The following PDZD7 variants were observed in gnomAD, a reference collection of about 807,000 sequenced individuals.
PDZD7 encodes the protein PDZ domain containing 7, also known as PDZ domain-containing protein 7.
PDZD7 carries 72 observed loss-of-function variants against 84.7 expected under a neutral mutation model. The observed-to-expected ratio is 0.85, with a 90% CI of 0.70 to 1.03. The LOEUF is 1.03. PDZD7 is among the 50% of genes least tolerant of loss of function. PDZD7 has a pLI of 0.00. For missense variants in PDZD7, 1,490 were observed against 1,412.9 expected (o/e 1.05, Z -0.87); for synonymous variants, 594 against 580.7 (o/e 1.02, Z -0.33).
rs1286104512 is a variant in PDZD7 at position 101,008,169 on chromosome 10, C to G, written c.*298G>C. The G allele has an allele frequency of 8.8e-6, 4 of 453,404 alleles. No homozygotes were observed. Among genetic ancestry groups the G allele is most frequent in the Non-Finnish European group, 1.6e-5 (4 of 256,410 alleles). 28.1% of individuals were successfully genotyped at this position (453,404 alleles called of 1,614,324 possible). ...ATAAGGGACAGCATGTGAGAAAGTG[C>G]CCACCAATCCCAAGCTCCAGACCTT... On this transcript the variant is annotated 3_prime_UTR_variant, in exon 17 of 17. Coordinates refer to ENST00000619208, the MANE Select transcript of PDZD7 (RefSeq NM_001195263.2).
At chr10:101,016,308 C>T (rs1852623079) in intron 10 of PDZD7, 69 bp downstream of exon 10, 2 of 1,493,818 alleles carry the variant, frequency 1.3e-6, no homozygotes, top group African/African-American at 2.8e-5. Context: ...ACTCAGCTGG[C>T]CCCCAGTATG....
intron 9 of PDZD7, 85 bp downstream of exon 9, chr10:101,018,014 G>C: frequency 5.8e-6 from 9 of 1,547,076 alleles, no homozygotes; most frequent in Non-Finnish European, 8.0e-6. Flanking sequence ...GGTAAGACGC[G>C]GTGTGGGATC....
chr10:101,021,940 T>C lies in PDZD7; in HGVS notation c.725A>G (p.Asp242Gly). ...FGLGIYVSKV[D>G]HGGLAEENGI... is the part of the protein sequence containing the mutation. The stretch of plus-strand genomic sequence containing the variant: ...ATTCTCCTCGGCCAGCCCACCATGG[T>C]CCACTCTGAGGCCAGACAGGCGTCA... The change falls in exon 6 of 17, where the codon GAC becomes GGC. Residue 242 changes from aspartate (D) to glycine (G), a missense_variant. Transcript: ENST00000619208. 2 of 1,614,058 alleles carry C rather than the reference T, an allele frequency of 1.2e-6. No individual in the cohort carries two copies. Among genetic ancestry groups the C allele is most frequent in the Non-Finnish European group, 1.7e-6 (2 of 1,179,990 alleles).
intron 2 of PDZD7, 61 bp from the exon 3 acceptor site, chr10:101,024,129 G>T (rs879243193): frequency 1.2e-6 from 2 of 1,612,762 alleles, no homozygotes; most frequent in South Asian, 1.1e-5. Flanking sequence ...GGGCCCCTGG[G>T]TTCCCCAACT....
At chr10:101,016,244 A>T in intron 10 of PDZD7, 133 bp downstream of exon 10, 1 of 915,802 alleles carries the variant, frequency 1.1e-6, no homozygotes, top group Non-Finnish European at 1.7e-6. Context: ...AATACATACC[A>T]TTCTAGCTGC....
chr10:101,014,485 C>T (rs1459509897), intron 11 of PDZD7, among the ~76,000 whole-genome samples: 3 of 152,122 alleles, frequency 2.0e-5, no homozygotes, highest in East Asian at 1.9e-4. Flanking sequence ...GCATTGCCGG[C>T]CCACTGGAGG....
Position 101,015,718 on chromosome 10 carries a change from C to G in PDZD7, c.1667G>C (p.Ser556Thr). 1 of 1,550,304 alleles carries G rather than the reference C, an allele frequency of 6.5e-7. No homozygotes were observed. Among genetic ancestry groups the G allele is most frequent in the Non-Finnish European group, 8.7e-7 (1 of 1,146,962 alleles). ...NVDEQVQAWESRRPLIQDLAQ... is the reference protein window; with the variant it reads ...NVDEQVQAWETRRPLIQDLAQ... ...CAGGTCCTGAATGAGGGGCCGCCGG[C>G]TCTCCCAGGCCTGAACCTGCTCATC... is the stretch of plus-strand genomic sequence containing the variant. Residue 556 changes from serine to threonine, a missense_variant, in exon 11 of 17, where the codon AGC becomes ACC. Transcript: ENST00000619208.
chr10:101,018,232 G>A lies in PDZD7; in HGVS notation c.1389C>T (p.Arg463=). 6.2e-7 allele frequency: 1 copy of A among 1,614,184 alleles called. No homozygotes were observed. The highest frequency in any genetic ancestry group is 8.5e-7 in the Non-Finnish European group (1 of 1,180,036). Residue 463 remains arginine, a synonymous_variant, in exon 9 of 17, where the codon CGC becomes CGT. Coordinates refer to ENST00000619208, the MANE Select transcript of PDZD7 (RefSeq NM_001195263.2). ...GSPGEKGALQ[R]SKTLMNLFFK... ...AGAAGAGGTTCATCAGCGTCTTGGA[G>A]CGCTGCAGGGCACCCTTCTCCCCAG...
At chr10:101,029,560 C>T (rs1043592013) in intron 2 of PDZD7, among the ~76,000 whole-genome samples, 4 of 152,210 alleles carry the variant, frequency 2.6e-5, no homozygotes, top group Middle Eastern at 6.3e-3. Context: ...ACTGACTCCT[C>T]GCAGCCCAGC....
At chr10:101,018,332 G>T (rs1190698909) in intron 8 of PDZD7, 36 bp from the exon 9 acceptor site, 4 of 1,611,220 alleles carry the variant, frequency 2.5e-6, no homozygotes, top group African/African-American at 1.3e-5. Flanking sequence ...GAGCTGGAGG[G>T]GTGGGCAGAA....
At chr10:101,022,858 C>T (rs1041603917) in intron 4 of PDZD7, among the ~76,000 whole-genome samples, 2 of 151,904 alleles carry the variant, frequency 1.3e-5, no homozygotes, top group African/African-American at 4.8e-5. Context: ...CTGCAACTTC[C>T]GCCTCCCAGG....
At chr10:101,017,676 T>C in intron 9 of PDZD7, 1 of 690,948 alleles carries the variant, frequency 1.4e-6, no homozygotes, top group South Asian at 1.5e-5. Flanking sequence ...ATGCCAGCAC[T>C]TTGGGAGGCT....
Position 101,007,934 on chromosome 10 carries a change from G to A in PDZD7, c.*533C>T, listed in dbSNP as rs1852276676. On this transcript the variant is annotated 3_prime_UTR_variant, in exon 17 of 17. Coordinates refer to ENST00000619208, the MANE Select transcript of PDZD7 (RefSeq NM_001195263.2). ...CTCCCCCTCATAGAGCTCTCTTGGG[G>A]AGAAAAGGTGATGGAGGAAGGACAA... 1 of 131,586 alleles carries A rather than the reference G, an allele frequency of 7.6e-6. No individual in the cohort carries two copies. The highest frequency in any genetic ancestry group is 1.5e-5 in the Non-Finnish European group (1 of 66,944). 8.2% of individuals were successfully genotyped at this position (131,586 alleles called of 1,614,324 possible). A position where few individuals can be genotyped will look rare whatever the true frequency, so the allele number is the denominator to read the frequency against.
In PDZD7 at chr10:101,018,863, C is replaced by T. The variant is rs377364590; in HGVS notation, c.1283G>A (p.Arg428Gln). The change falls in exon 8 of 17, where the codon CGG becomes CAG. Residue 428 changes from arginine (R) to glutamine (Q), a missense_variant. Transcript: ENST00000619208. The part of the protein sequence containing the change: ...TALLLALSRP[R>Q]PPITRSQSYL... ...GCTCTGGGAGCGCGTGATGGGGGGC[C>T]GGGGTCGGCTGAGGGCCAGCAGCAA... 3.7e-6 allele frequency: 6 copies of T among 1,603,094 alleles called. No individual in the cohort carries two copies. Among genetic ancestry groups the T allele is most frequent in the Non-Finnish European group, 5.1e-6 (6 of 1,174,866 alleles).
intron 11 of PDZD7, among the ~76,000 whole-genome samples, chr10:101,014,912 A>G (rs1479577555): frequency 6.6e-6 from 1 of 152,152 alleles, no homozygotes; most frequent in Non-Finnish European, 1.5e-5. Context: ...ACTCCTCACA[A>G]AGAGCCCAGT....
Position 101,010,637 on chromosome 10 carries a change from A to G in PDZD7, c.2252T>C (p.Leu751Pro). Residue 751 changes from leucine (L) to proline (P), a missense_variant, in exon 15 of 17, where the codon CTG (leucine) becomes CCG (proline). Physicochemically the swap from Leu to Pro is moderately conservative, Grantham distance 98 (BLOSUM62 -3). Coordinates refer to ENST00000619208, the MANE Select transcript of PDZD7 (RefSeq NM_001195263.2). ...VAPRPLRPNW[L>P]LTEPLSREHP... ...CTCTCGGCTCAGGGGTTCTGTCAGC[A>G]GCCAGTTAGGCCGCAGGGGCCGGGG... 1 of 1,500,872 alleles carries G rather than the reference A, an allele frequency of 6.7e-7. No individual in the cohort carries two copies. Among genetic ancestry groups the G allele is most frequent in the South Asian group, 1.3e-5 (1 of 79,834 alleles). 93.0% of individuals were successfully genotyped at this position (1,500,872 alleles called of 1,614,324 possible).
At chr10:101,022,443 C>G (rs1003656900) in intron 4 of PDZD7, 58 bp from the exon 5 acceptor site, 1 of 1,602,966 alleles carries the variant, frequency 6.2e-7, no homozygotes, top group African/African-American at 1.3e-5. Flanking sequence ...ACCCACCACC[C>G]TCCCAGCAGT....
In PDZD7 at chr10:101,030,098, C is replaced by A; in HGVS notation, c.122G>T (p.Arg41Leu). 1 of 1,614,176 alleles carries A rather than the reference C, an allele frequency of 6.2e-7. No homozygotes were observed. The highest frequency in any genetic ancestry group is 8.5e-7 in the Non-Finnish European group (1 of 1,180,024). The change falls in exon 2 of 17, where the codon CGA becomes CTA. Residue 41 changes from arginine to leucine, a missense_variant. Physicochemically the swap from Arg to Leu is moderately radical, Grantham distance 102. Coordinates refer to ENST00000619208, the MANE Select transcript of PDZD7 (RefSeq NM_001195263.2). The part of the protein sequence containing the change: ...LGSDSGSTAT[R>L]YLLRKQQRLL... ...CCGTTGTTGCTTCCTTAGCAGGTAT[C>A]GCGTTGCGGTGGAGCCTGAGTCGCT...
chr10:101,017,863 G>GAAAC, intron 9 of PDZD7: 1 of 397,810 alleles, frequency 2.5e-6, no homozygotes, highest in East Asian at 3.7e-5. Context: ...AAGAAAGAAA[G>GAAAC]AAAGAAAGAA....
Sources: gnomAD v4.1 joint callset for allele counts (sites outside exome capture counted in the v4.1 genomes callset) on GRCh38, gnomAD v4.1.1 for gene constraint, MANE v1.5 for transcripts, NCBI Gene and HGNC (gene_info 2026-07-23, HGNC 2026-07-21) for gene names.